Variants in DOCK4 observed in about 807,000 individuals in gnomAD.
DOCK4 encodes the protein dedicator of cytokinesis 4.
DOCK4 carries 97 observed loss-of-function variants against 268.1 expected under a neutral mutation model. That is an observed-to-expected ratio of 0.36 (90% CI 0.31 to 0.43). The LOEUF (loss-of-function observed/expected upper bound fraction) is 0.43, where lower values mean the gene tolerates loss of function less well. Among genes scored for constraint, DOCK4 ranks in the 20% least tolerant of loss-of-function variants. DOCK4 has a pLI of 1.00. For missense variants in DOCK4, 2,145 were observed against 2,455.7 expected (o/e 0.87, Z 2.67); for synonymous variants, 954 against 887.2 (o/e 1.08, Z -1.34).
At chr7:111,861,833 A>G (rs1198785684) in intron 23 of DOCK4, among the ~76,000 whole-genome samples, 3 of 149,070 alleles carry the variant, frequency 2.0e-5, no homozygotes, top group African/African-American at 7.7e-5. Flanking sequence ...TTTAAAGATG[A>G]AATGATTTAA....
intron 23 of DOCK4, 26 bp from the exon 24 acceptor site, chr7:111,847,152 C>T (rs1392217993): frequency 6.2e-7 from 1 of 1,612,718 alleles, no homozygotes; most frequent in East Asian, 2.2e-5. Flanking sequence ...TCATTAGTGT[C>T]ACATCTGTTG....
At chr7:112,000,635 A>G in intron 2 of DOCK4, 101 bp from the exon 3 acceptor site, 2 of 868,022 alleles carry the variant, frequency 2.3e-6, no homozygotes, top group Non-Finnish European at 3.4e-6. Context: ...TTTACCATAC[A>G]TGAAAAGATT....
chr7:111,812,102 A>G (rs1586060055), intron 27 of DOCK4, among the ~76,000 whole-genome samples, 153 bp from the exon 28 acceptor site: 1 of 152,222 alleles, frequency 6.6e-6, no homozygotes, highest in East Asian at 1.9e-4. Context: ...AAAAAGAGAC[A>G]ACAGGTCAAT....
chr7:112,191,178 A>C (rs1380910579), intron 1 of DOCK4, among the ~76,000 whole-genome samples: 2 of 152,002 alleles, frequency 1.3e-5, no homozygotes, highest in Non-Finnish European at 2.9e-5. Context: ...GCAGCCTCAA[A>C]CTCCAGGGCT....
chr7:111,893,886 T>A (rs1808496653), intron 16 of DOCK4, among the ~76,000 whole-genome samples: 1 of 152,112 alleles, frequency 6.6e-6, no homozygotes, highest in African/African-American at 2.4e-5. Context: ...AAATGAATGA[T>A]TAAAGAAATA....
Position 112,060,110 on chromosome 7 carries a change from A to C in DOCK4, c.38-55979T>G, listed in dbSNP as rs140040238. ...CTTAGGGCTGCCAGCTCCTAGAGCCAGCTAATTTCATTTCTAGCACCTTGA... is the reference window on the plus strand; with the variant it reads ...CTTAGGGCTGCCAGCTCCTAGAGCCCGCTAATTTCATTTCTAGCACCTTGA... On this transcript the variant is annotated intron_variant, in intron 1 of 52. Transcript: ENST00000428084. 3.4e-3 allele frequency among the ~76,000 whole-genome samples: 523 copies of C among 152,354 alleles called. 2 individuals carry two copies. Among genetic ancestry groups the C allele is most frequent in the African/African-American group, 0.012 (488 of 41,572 alleles).
intron 52 of DOCK4, among the ~76,000 whole-genome samples, chr7:111,731,276 G>A (rs556021876): frequency 3.3e-5 from 5 of 152,120 alleles, no homozygotes; most frequent in South Asian, 2.1e-4. Flanking sequence ...TTGTTTTCCC[G>A]TTTCTCAATT....
intron 42 of DOCK4, among the ~76,000 whole-genome samples, chr7:111,749,681 A>G (rs1796502836): frequency 6.6e-6 from 1 of 152,222 alleles, no homozygotes; most frequent in Admixed American, 6.5e-5. Context: ...TACTGAAGAA[A>G]AGGGGCAAAG....
At chr7:112,067,242 TAA>T (rs76863833) in intron 1 of DOCK4, among the ~76,000 whole-genome samples, 91 of 136,034 alleles carry the variant, frequency 6.7e-4, no homozygotes, top group African/African-American at 1.6e-3. Context: ...CACCTTTACT[TAA>T]AAAAAAAAAA....
intron 23 of DOCK4, among the ~76,000 whole-genome samples, chr7:111,851,695 C>T (rs528613369): frequency 8.6e-5 from 13 of 151,924 alleles, no homozygotes; most frequent in Non-Finnish European, 1.8e-4. Flanking sequence ...GTTCCAGTTC[C>T]GTGAAATACT....
intron 8 of DOCK4, among the ~76,000 whole-genome samples, chr7:111,958,403 T>C (rs1796602818): frequency 6.6e-6 from 1 of 152,148 alleles, no homozygotes. Flanking sequence ...GCTTATCCTG[T>C]AGGGAACTTA....
intron 23 of DOCK4, among the ~76,000 whole-genome samples, chr7:111,858,725 C>G (rs912780889): frequency 6.6e-6 from 1 of 152,120 alleles, no homozygotes. Context: ...ATTTCTCAGC[C>G]TCTATAATCA....
chr7:111,869,275 A>G (rs1433324839), intron 21 of DOCK4, among the ~76,000 whole-genome samples: 1 of 152,152 alleles, frequency 6.6e-6, no homozygotes, highest in African/African-American at 2.4e-5. Context: ...TAACTGCCCC[A>G]TATAGACTTC....
At chr7:111,800,503 T>C (rs1800194283) in intron 30 of DOCK4, among the ~76,000 whole-genome samples, 1 of 152,158 alleles carries the variant, frequency 6.6e-6, no homozygotes, top group Non-Finnish European at 1.5e-5. Flanking sequence ...TGTTAACGTT[T>C]CTGGTAATGT....
rs140281065 is a variant in DOCK4, at chr7:112,188,386, G to T, written c.37+17716C>A. On this transcript the variant is annotated intron_variant, in intron 1 of 52. Transcript: ENST00000428084. ...ATCAAACTATCCTTTCACAGCTGAGGCCCTAAGAAGATAAATGCTTTGCCT... is the reference window on the plus strand; with the variant it reads ...ATCAAACTATCCTTTCACAGCTGAGTCCCTAAGAAGATAAATGCTTTGCCT... Among the ~76,000 whole-genome samples, 5 of 152,282 alleles carry T rather than the reference G, an allele frequency of 3.3e-5. No homozygotes were observed. The East Asian group carries it at 7.7e-4, about 24-fold the overall frequency.
intron 7 of DOCK4, among the ~76,000 whole-genome samples, chr7:111,979,951 T>A (rs1331310269): frequency 6.6e-6 from 1 of 152,132 alleles, no homozygotes; most frequent in Non-Finnish European, 1.5e-5. Context: ...AAATTAGAAT[T>A]TCTAGGGGCT....
chr7:111,899,048 G>T (rs1404509707), intron 15 of DOCK4, among the ~76,000 whole-genome samples: 1 of 152,110 alleles, frequency 6.6e-6, no homozygotes, highest in Non-Finnish European at 1.5e-5. Context: ...ACCATTCTAA[G>T]TCCTTTATGT....
At chr7:112,021,280 G>A (rs1469967937) in intron 1 of DOCK4, among the ~76,000 whole-genome samples, 1 of 152,152 alleles carries the variant, frequency 6.6e-6, no homozygotes, top group African/African-American at 2.4e-5. Flanking sequence ...TCTTAGCTAT[G>A]TTTTATATAG....
intron 38 of DOCK4, among the ~76,000 whole-genome samples, chr7:111,765,529 C>A (rs556535922): frequency 2.6e-5 from 4 of 152,238 alleles, no homozygotes; most frequent in South Asian, 4.1e-4. Context: ...CACATGTTAT[C>A]CCCAGAGAAA....
Sources: allele counts gnomAD v4.1 joint callset (sites outside exome capture counted in the v4.1 genomes callset), GRCh38; gene constraint gnomAD v4.1.1; transcripts MANE v1.5; gene names NCBI Gene and HGNC (gene_info 2026-07-23, HGNC 2026-07-21).